Variants in PAPPA2 observed in about 807,000 individuals in gnomAD.
The protein encoded by PAPPA2 is pappalysin 2, also known as pappalysin-2.
A neutral mutation model predicts 176.4 loss-of-function variants in PAPPA2; 86 were observed. The ratio of observed to expected loss-of-function variants is 0.49; its 90% confidence interval spans 0.41 to 0.58. The LOEUF is 0.58. Among genes scored for constraint, PAPPA2 ranks in the 20% least tolerant of loss-of-function variants. The pLI, the probability that PAPPA2 is intolerant of heterozygous loss-of-function variation, is 0.00. For synonymous variants in PAPPA2, 809 were observed against 852.2 expected, an observed-to-expected ratio of 0.95 and a Z score of 0.88; for missense variants, 2,073 against 2,256.9, an observed-to-expected ratio of 0.92 and a Z score of 1.65.
intron 1 of PAPPA2, among the ~76,000 whole-genome samples, chr1:176,497,357 A>G (rs6689487): frequency 0.08 from 12,190 of 152,224 alleles, 609 homozygotes; most frequent in South Asian, 0.16. Flanking sequence ...TGGGGACAGC[A>G]TATTTACTAC....
At chr1:176,764,766 G>A (rs988268028) in intron 14 of PAPPA2, among the ~76,000 whole-genome samples, 1 of 151,974 alleles carries the variant, frequency 6.6e-6, no homozygotes, top group Non-Finnish European at 1.5e-5. Context: ...CCGGCTAATT[G>A]TTTGTATTTT....
At chr1:176,595,719 A>G in intron 3 of PAPPA2, 124 bp downstream of exon 3, 1 of 943,060 alleles carries the variant, frequency 1.1e-6, no homozygotes, top group Non-Finnish European at 1.5e-6. Flanking sequence ...CCACCCCATC[A>G]GACAGTATTA....
At chr1:176,825,694 A>T (rs1326866238) in intron 21 of PAPPA2, among the ~76,000 whole-genome samples, 1 of 152,230 alleles carries the variant, frequency 6.6e-6, no homozygotes, top group Non-Finnish European at 1.5e-5. Context: ...GGTACTGCAG[A>T]TAACTTTGAT....
intron 1 of PAPPA2, among the ~76,000 whole-genome samples, chr1:176,534,398 C>A (rs1159683468): frequency 6.6e-6 from 1 of 152,214 alleles, no homozygotes; most frequent in East Asian, 1.9e-4. Context: ...TGATCCCTAG[C>A]TTCCCACAGC....
At chr1:176,541,624 G>A (rs752254096) in intron 1 of PAPPA2, among the ~76,000 whole-genome samples, 5 of 152,212 alleles carry the variant, frequency 3.3e-5, no homozygotes, top group South Asian at 2.1e-4. Context: ...AAACATCCAC[G>A]TAGATGAAAA....
intron 3 of PAPPA2, among the ~76,000 whole-genome samples, chr1:176,644,469 A>T (rs1657278635): frequency 1.3e-5 from 2 of 151,930 alleles, no homozygotes; most frequent in African/African-American, 4.8e-5. Flanking sequence ...GGAGTTACGT[A>T]TGGATAAAAA....
intron 9 of PAPPA2, among the ~76,000 whole-genome samples, chr1:176,705,211 A>G (rs375228539): frequency 2.6e-5 from 4 of 152,298 alleles, no homozygotes; most frequent in African/African-American, 7.2e-5. Context: ...ACCACATTGC[A>G]TTTATATAGA....
chr1:176,680,047 G>A (rs1290752037), intron 4 of PAPPA2, among the ~76,000 whole-genome samples: 1 of 152,188 alleles, frequency 6.6e-6, no homozygotes, highest in African/African-American at 2.4e-5. Context: ...AGGAAGTATA[G>A]AAGGAATGGA....
chr1:176,679,018 A>C (rs1659450240), intron 4 of PAPPA2, among the ~76,000 whole-genome samples: 2 of 152,114 alleles, frequency 1.3e-5, no homozygotes, highest in Admixed American at 1.3e-4. Flanking sequence ...TTGGAGGTCT[A>C]ACTGACTAAA....
intron 20 of PAPPA2, among the ~76,000 whole-genome samples, chr1:176,797,039 T>A (rs962265737): frequency 4.6e-5 from 7 of 152,230 alleles, no homozygotes; most frequent in Admixed American, 4.6e-4. Context: ...TCAAAACAAA[T>A]CTTTGGCATT....
intron 22 of PAPPA2, among the ~76,000 whole-genome samples, chr1:176,841,663 A>G (rs1158892727): frequency 6.6e-6 from 1 of 152,116 alleles, no homozygotes; most frequent in Admixed American, 6.6e-5. Flanking sequence ...AGAAGTGAGT[A>G]ACTTTTTCCG....
At chr1:176,718,243 T>C (rs1661460556) in intron 12 of PAPPA2, among the ~76,000 whole-genome samples, 1 of 152,136 alleles carries the variant, frequency 6.6e-6, no homozygotes, top group African/African-American at 2.4e-5. Flanking sequence ...ATTCTGCTAT[T>C]TTCTTTGTCA....
intron 3 of PAPPA2, among the ~76,000 whole-genome samples, chr1:176,629,320 TA>T (rs1249558185): frequency 6.6e-6 from 1 of 152,194 alleles, no homozygotes; most frequent in Admixed American, 6.5e-5. Flanking sequence ...AAATATTAAA[TA>T]ATGAGATATC....
At chr1:176,584,466 A>G (rs909858440) in intron 2 of PAPPA2, among the ~76,000 whole-genome samples, 4 of 149,992 alleles carry the variant, frequency 2.7e-5, no homozygotes, top group Non-Finnish European at 5.9e-5. Context: ...TCTCCTGTTC[A>G]TTTTTGATTT....
chr1:176,465,476 G>A (rs948904870), intron 1 of PAPPA2, among the ~76,000 whole-genome samples: 7 of 152,164 alleles, frequency 4.6e-5, no homozygotes, highest in South Asian at 2.1e-4. Flanking sequence ...TAGATTAGAC[G>A]CATTTTTTCC....
intron 21 of PAPPA2, among the ~76,000 whole-genome samples, chr1:176,830,179 G>A (rs1667030975): frequency 6.6e-6 from 1 of 152,036 alleles, no homozygotes; most frequent in Non-Finnish European, 1.5e-5. Context: ...GACCAGCCTG[G>A]ACAACATAGC....
intron 1 of PAPPA2, among the ~76,000 whole-genome samples, chr1:176,494,272 T>G (rs1647475457): frequency 6.6e-6 from 1 of 152,206 alleles, no homozygotes; most frequent in African/African-American, 2.4e-5. Flanking sequence ...GAATTAGGGC[T>G]ATGTGTTAGG....
chr1:176,780,055 A>G (rs1054161683), intron 17 of PAPPA2, among the ~76,000 whole-genome samples: 2 of 152,216 alleles, frequency 1.3e-5, no homozygotes, highest in African/African-American at 4.8e-5. Context: ...AGTTCTGATA[A>G]CACATTAGCA....
chr1:176,696,469 G>A (rs1481441714), intron 7 of PAPPA2, among the ~76,000 whole-genome samples: 1 of 152,126 alleles, frequency 6.6e-6, no homozygotes, highest in Non-Finnish European at 1.5e-5. Flanking sequence ...TCTGAGCTAG[G>A]CTCCAGGAAG....
Sources: gnomAD v4.1 joint callset for allele counts (sites outside exome capture counted in the v4.1 genomes callset) on GRCh38, gnomAD v4.1.1 for gene constraint, MANE v1.5 for transcripts, NCBI Gene and HGNC (gene_info 2026-07-23, HGNC 2026-07-21) for gene names.